The following VWCE variants were observed in gnomAD, a reference collection of about 807,000 sequenced individuals.
The protein encoded by VWCE is von Willebrand factor C and EGF domain-containing protein.
Under a neutral mutation model 102.9 loss-of-function variants are expected in VWCE, and 68 were observed. The observed-to-expected ratio is 0.66, with a 90% CI of 0.54 to 0.81. VWCE has a LOEUF of 0.81. Ranked by LOEUF, VWCE falls within the 30% of genes least tolerant of loss-of-function variation. The pLI is 0.00. For missense variants in VWCE, 1,137 were observed against 1,263.6 expected (o/e 0.90, Z 1.52); for synonymous variants, 497 against 515.4 (o/e 0.96, Z 0.48).
intron 12 of VWCE, among the ~76,000 whole-genome samples, 179 bp from the exon 13 acceptor site, chr11:61,273,495 G>C (rs1854802235): frequency 6.6e-6 from 1 of 152,096 alleles, no homozygotes; most frequent in South Asian, 2.1e-4. Context: ...ACAGTGGGGT[G>C]GGGGGAACTG....
At chr11:61,283,422 G>T (rs1467582734) in intron 5 of VWCE, among the ~76,000 whole-genome samples, 1 of 152,048 alleles carries the variant, frequency 6.6e-6, no homozygotes, top group African/African-American at 2.4e-5. Context: ...TGTTGTTGTT[G>T]TTTTTTGAGA....
intron 11 of VWCE, 67 bp downstream of exon 11, chr11:61,276,526 C>T (rs1395590565): frequency 8.3e-7 from 1 of 1,210,842 alleles, no homozygotes; most frequent in Non-Finnish European, 1.1e-6. Flanking sequence ...GCCTGGGCAA[C>T]ATAGTGAGGT....
Position 61,274,588 on chromosome 11 carries a change from C to T in VWCE, c.1496-4G>A, listed in dbSNP as rs894839165. On this transcript the variant is annotated splice_region_variant and splice_polypyrimidine_tract_variant and intron_variant, in intron 11 of 19. Transcript: ENST00000335613. The stretch of plus-strand genomic sequence containing the variant: ...CGGCCGTGGAAATAGCATCTCACTG[C>T]AGAGGAGAAAGGGAGAAGCAACTCA... 1.2e-6 allele frequency: 2 copies of T among 1,613,510 alleles called. No individual in the cohort carries two copies. The highest frequency in any genetic ancestry group is 1.7e-6 in the Non-Finnish European group (2 of 1,179,746).
intron 11 of VWCE, among the ~76,000 whole-genome samples, chr11:61,275,181 A>G (rs1182893374): frequency 2.6e-5 from 4 of 152,208 alleles, no homozygotes; most frequent in Non-Finnish European, 4.4e-5. Flanking sequence ...AGACTGTCCA[A>G]CACCTAAGAC....
chr11:61,271,378 C>G (rs1012444301), intron 14 of VWCE: 4 of 306,820 alleles, frequency 1.3e-5, no homozygotes, highest in Non-Finnish European at 2.6e-5. Flanking sequence ...ATCTCCTGAC[C>G]TTGTGATCCA....
intron 7 of VWCE, 78 bp downstream of exon 7, chr11:61,281,703 GGGCCA>G (rs1209723328): frequency 6.8e-7 from 1 of 1,480,430 alleles, no homozygotes; most frequent in Non-Finnish European, 9.0e-7. Context: ...TGACGGGGAG[GGGCCA>G]GGCTATGGGG....
intron 15 of VWCE, among the ~76,000 whole-genome samples, chr11:61,268,118 A>G (rs1854566023): frequency 1.3e-5 from 2 of 150,274 alleles, no homozygotes; most frequent in Non-Finnish European, 1.5e-5. Flanking sequence ...GTTTATATAT[A>G]TATTATATAT....
chr11:61,272,867 TAC>T (rs910710257), intron 13 of VWCE, among the ~76,000 whole-genome samples: 2 of 147,428 alleles, frequency 1.4e-5, no homozygotes, highest in East Asian at 2.0e-4. Flanking sequence ...CACAGACACA[TAC>T]ACACACACCC....
chr11:61,285,050 C>T (rs536280740), intron 5 of VWCE, among the ~76,000 whole-genome samples: 1 of 152,160 alleles, frequency 6.6e-6, no homozygotes, highest in South Asian at 2.1e-4. Context: ...GAGCCCTCAC[C>T]AGAAACTGAA....
In VWCE at chr11:61,271,598, G is replaced by T. The variant is rs1282300092; in HGVS notation, c.1785+77C>A. 3.5e-6 allele frequency: 5 copies of T among 1,412,788 alleles called. No individual in the cohort carries two copies. In the East Asian group the frequency reaches 7.3e-5, roughly 21 times the overall value. 87.5% of individuals were successfully genotyped at this position (1,412,788 alleles called of 1,614,324 possible). On this transcript the variant is annotated intron_variant, in intron 14 of 19. Transcript: ENST00000335613. ...CCAGCCTGAGGCCAGCCTCTGGAGG[G>T]GCCAGGACGCTTGTCTCCTCTGGGT...
At chr11:61,271,936 T>C (rs191713540) in intron 13 of VWCE, among the ~76,000 whole-genome samples, 176 bp from the exon 14 acceptor site, 2 of 151,816 alleles carry the variant, frequency 1.3e-5, no homozygotes, top group Non-Finnish European at 2.9e-5. Context: ...TTCACACAGA[T>C]ACACATACAC....
rs1854477163 is a variant in VWCE at position 61,265,204 on chromosome 11, T to G, written c.1974A>C (p.Ser658=). Residue 658 remains serine, a synonymous_variant, in exon 17 of 20, where the codon TCA becomes TCC. Coordinates refer to ENST00000335613, the MANE Select transcript of VWCE (RefSeq NM_152718.2). ...PCLSCICLLG[S]VACSPVDCPI... is the part of the protein sequence containing the mutation. Reference sequence around the variant, plus strand: ...GGCAGTCCACGGGGGAACAGGCCACTGAGCCCAGCTGCAGGACACAGAAAA... The same window carrying G: ...GGCAGTCCACGGGGGAACAGGCCACGGAGCCCAGCTGCAGGACACAGAAAA... 4 of 1,483,174 alleles carry G rather than the reference T, an allele frequency of 2.7e-6. No individual in the cohort carries two copies. The East Asian group carries it at 9.8e-5, about 36-fold the overall frequency. 91.9% of individuals were successfully genotyped at this position (1,483,174 alleles called of 1,614,324 possible). A position where few individuals can be genotyped will look rare whatever the true frequency, so the allele number is the denominator to read the frequency against.
chr11:61,278,400 G>C lies in VWCE; in HGVS notation c.1401C>G (p.Val467=), dbSNP rs1854998483. The C allele has an allele frequency of 6.2e-7, 1 of 1,614,058 alleles. No individual in the cohort carries two copies. Among genetic ancestry groups the C allele is most frequent in the African/African-American group, 1.3e-5 (1 of 74,922 alleles). ...SPPNENCTVC[V]CLAGNVSCIS... Reference sequence around the variant, plus strand: ...AGGATCTTGTGACGCTTACCAGACAGACACAGACGGTGCAGTTCTCATTGG... The same window carrying C: ...AGGATCTTGTGACGCTTACCAGACACACACAGACGGTGCAGTTCTCATTGG... Residue 467 remains valine (V), a synonymous_variant, in exon 10 of 20, where the codon GTC becomes GTG. Transcript: ENST00000335613.
chr11:61,289,082 C>T (rs886282684), intron 4 of VWCE, among the ~76,000 whole-genome samples: 2 of 152,032 alleles, frequency 1.3e-5, no homozygotes, highest in Non-Finnish European at 2.9e-5. Flanking sequence ...TCGTGATCCA[C>T]CCACCTCGGC....
At chr11:61,272,860 AG>A (rs1854765385) in intron 13 of VWCE, among the ~76,000 whole-genome samples, 1 of 152,018 alleles carries the variant, frequency 6.6e-6, no homozygotes, top group Non-Finnish European at 1.5e-5. Flanking sequence ...ACAAAAACAC[AG>A]ACACATACAC....
chr11:61,279,033 C>G (rs1480567500), intron 9 of VWCE, among the ~76,000 whole-genome samples: 7 of 151,256 alleles, frequency 4.6e-5, no homozygotes, highest in African/African-American at 1.7e-4. Flanking sequence ...AGCAACACTC[C>G]GTCTTAAAAA....
At position 61,274,685 on chromosome 11, in the gene VWCE, C is replaced by T; in HGVS notation, c.1496-101G>A. On this transcript the variant is annotated intron_variant, in intron 11 of 19. Transcript: ENST00000335613. ...AGGGAGCCCCGGGGCACTTAACACA[C>T]ACCCACAACACTCCACAGCATGCTC... 4.5e-6 allele frequency: 4 copies of T among 897,512 alleles called. No individual in the cohort carries two copies. In the South Asian group the frequency reaches 4.5e-5, roughly 10 times the overall value. 55.6% of individuals were successfully genotyped at this position (897,512 alleles called of 1,614,324 possible).
intron 5 of VWCE, among the ~76,000 whole-genome samples, chr11:61,285,978 T>C (rs979809528): frequency 2.6e-5 from 4 of 152,108 alleles, no homozygotes; most frequent in Non-Finnish European, 4.4e-5. Flanking sequence ...GGTCTCAAAC[T>C]CCTGACCTGA....
At chr11:61,261,379 T>A (rs1392131060) in intron 19 of VWCE, among the ~76,000 whole-genome samples, 3 of 152,178 alleles carry the variant, frequency 2.0e-5, no homozygotes, top group Non-Finnish European at 4.4e-5. Flanking sequence ...GACTGAATCA[T>A]ACACTTTAAA....
Sources: allele counts gnomAD v4.1 joint callset (sites outside exome capture counted in the v4.1 genomes callset), GRCh38; gene constraint gnomAD v4.1.1; transcripts MANE v1.5; gene names NCBI Gene and HGNC (gene_info 2026-07-23, HGNC 2026-07-21).